PCDH9: variants seen among roughly 807,000 people sequenced by gnomAD.
PCDH9 encodes protocadherin 9, also known as protocadherin-9.
PCDH9 carries 24 observed loss-of-function variants against 70.6 expected under a neutral mutation model. That is an observed-to-expected ratio of 0.34 (90% CI 0.25 to 0.48). The LOEUF (loss-of-function observed/expected upper bound fraction) is 0.48. Ranked by LOEUF, PCDH9 falls within the 20% of genes least tolerant of loss-of-function variation. PCDH9 has a pLI of 0.99. For synonymous variants in PCDH9, 562 were observed against 558.5 expected (o/e 1.01, Z -0.09); for missense variants, 1,281 against 1,503.6 (o/e 0.85, Z 2.45).
In PCDH9 at chr13:67,146,297, A is replaced by G. The variant is rs188892038; in HGVS notation, c.3036+79108T>C. ...AGGATAACTTATTACAAATTAAGAT[A>G]CTTATAATATCTTAACATACTTAAT... On this transcript the variant is annotated intron_variant, in intron 2 of 4. Coordinates refer to ENST00000377865, the MANE Select transcript of PCDH9 (RefSeq NM_203487.3). Among the ~76,000 whole-genome samples the G allele has an allele frequency of 3.2e-4, 48 of 152,332 alleles. 1 individual carries two copies. The highest frequency in any genetic ancestry group is 2.6e-3 in the Admixed American group (40 of 15,300).
intron 4 of PCDH9, among the ~76,000 whole-genome samples, chr13:66,530,418 A>AT (rs1433393191): frequency 6.6e-6 from 1 of 152,054 alleles, no homozygotes; most frequent in African/African-American, 2.4e-5. Context: ...ATTGAGATAA[A>AT]TTATGTCCAT....
intron 2 of PCDH9, among the ~76,000 whole-genome samples, chr13:67,168,278 C>T (rs1211847990): frequency 6.6e-6 from 1 of 152,144 alleles, no homozygotes; most frequent in Non-Finnish European, 1.5e-5. Flanking sequence ...CACCATATCA[C>T]CATCTTATAT....
chr13:66,849,517 T>TATATATATATAGAGAGAGAGAGAG (rs1272589939), intron 3 of PCDH9, among the ~76,000 whole-genome samples: 1 of 63,578 alleles, frequency 1.6e-5, no homozygotes, highest in Non-Finnish European at 2.6e-5. Context: ...TATATATATA[T>TATATATATATAGAGAGAGAGAGAG]AGAGAGAGAG....
At chr13:67,187,298 G>A (rs4884719) in intron 2 of PCDH9, among the ~76,000 whole-genome samples, 78,852 of 151,946 alleles carry the variant, frequency 0.52, 21,124 homozygotes, top group Middle Eastern at 0.66. Flanking sequence ...AACAATCACA[G>A]CTGTCTTTCC....
chr13:66,752,158 C>A (rs1015907949), intron 3 of PCDH9, among the ~76,000 whole-genome samples: 11 of 151,936 alleles, frequency 7.2e-5, no homozygotes, highest in African/African-American at 2.7e-4. Context: ...TTTCGTGGAA[C>A]TGACAGAAAC....
chr13:67,145,535 T>G (rs1566453871), intron 2 of PCDH9, among the ~76,000 whole-genome samples: 1 of 152,012 alleles, frequency 6.6e-6, no homozygotes, highest in Admixed American at 6.6e-5. Flanking sequence ...CTTACCTTAT[T>G]AAATTATTAT....
chr13:66,620,283 T>G (rs1450106745), intron 4 of PCDH9, among the ~76,000 whole-genome samples: 1 of 152,186 alleles, frequency 6.6e-6, no homozygotes, highest in African/African-American at 2.4e-5. Context: ...ATCTACTGTG[T>G]TTCAGGCCCT....
chr13:66,463,561 C>G (rs1958463292), intron 4 of PCDH9, among the ~76,000 whole-genome samples: 1 of 151,766 alleles, frequency 6.6e-6, no homozygotes, highest in Non-Finnish European at 1.5e-5. Flanking sequence ...GGTTTTGATT[C>G]AACAGGTCTG....
chr13:66,491,532 G>C (rs1959034681), intron 4 of PCDH9, among the ~76,000 whole-genome samples: 1 of 152,002 alleles, frequency 6.6e-6, no homozygotes, highest in African/African-American at 2.4e-5. Context: ...TGGTTTCCAA[G>C]TACAACACTT....
chr13:66,473,707 T>C (rs547819610), intron 4 of PCDH9, among the ~76,000 whole-genome samples: 10 of 152,306 alleles, frequency 6.6e-5, no homozygotes, highest in African/African-American at 2.4e-4. Flanking sequence ...CTTAACAGTT[T>C]TCTAAAGCGA....
intron 2 of PCDH9, among the ~76,000 whole-genome samples, chr13:67,072,495 C>T (rs2085787186): frequency 6.6e-6 from 1 of 152,080 alleles, no homozygotes; most frequent in Non-Finnish European, 1.5e-5. Context: ...TGAAGACTCC[C>T]ATGTCATTAA....
intron 3 of PCDH9, among the ~76,000 whole-genome samples, chr13:66,893,544 G>T (rs577747275): frequency 2.6e-5 from 4 of 152,104 alleles, no homozygotes; most frequent in Admixed American, 6.6e-5. Flanking sequence ...TACAATCAAA[G>T]TGTTTTAAAG....
chr13:66,541,510 G>A (rs1960954258), intron 4 of PCDH9, among the ~76,000 whole-genome samples: 1 of 152,068 alleles, frequency 6.6e-6, no homozygotes, highest in Admixed American at 6.6e-5. Context: ...TTTAATTGTC[G>A]GTGGTTTCTG....
intron 2 of PCDH9, among the ~76,000 whole-genome samples, chr13:67,094,907 A>G (rs896195923): frequency 2.6e-5 from 4 of 152,158 alleles, no homozygotes; most frequent in Non-Finnish European, 4.4e-5. Context: ...GAATCTGGCC[A>G]AACTCTCCAA....
At chr13:67,067,090 C>T (rs972565524) in intron 2 of PCDH9, among the ~76,000 whole-genome samples, 6 of 152,116 alleles carry the variant, frequency 3.9e-5, no homozygotes, top group Admixed American at 3.9e-4. Flanking sequence ...TGCTTTTCCT[C>T]TTCTCTTTTA....
chr13:66,898,017 T>C (rs1048509464), intron 3 of PCDH9, among the ~76,000 whole-genome samples: 5 of 152,072 alleles, frequency 3.3e-5, no homozygotes, highest in African/African-American at 1.2e-4. Flanking sequence ...TTGCCATTTT[T>C]CTGAGGTGCA....
At chr13:66,713,468 T>C (rs941245265) in intron 3 of PCDH9, among the ~76,000 whole-genome samples, 2 of 151,198 alleles carry the variant, frequency 1.3e-5, no homozygotes, top group South Asian at 2.1e-4. Flanking sequence ...TCACTCTCTC[T>C]CCCAACAAAA....
At chr13:66,836,322 C>T (rs1218722057) in intron 3 of PCDH9, among the ~76,000 whole-genome samples, 4 of 152,062 alleles carry the variant, frequency 2.6e-5, no homozygotes, top group African/African-American at 9.7e-5. Context: ...TTTATGTTAT[C>T]CAAATTTTAC....
At chr13:66,796,972 A>G (rs9540916) in intron 3 of PCDH9, among the ~76,000 whole-genome samples, 144,802 of 152,162 alleles carry the variant, frequency 0.95, 69,357 homozygotes, top group East Asian at 1. Context: ...TGCAATGATT[A>G]TAAGAGGTGA....
Sources: allele counts gnomAD v4.1 joint callset (sites outside exome capture counted in the v4.1 genomes callset), GRCh38; gene constraint gnomAD v4.1.1; transcripts MANE v1.5; gene names NCBI Gene and HGNC (gene_info 2026-07-23, HGNC 2026-07-21).